Variants in CATSPERD observed in about 807,000 individuals in gnomAD.
The protein encoded by CATSPERD is catsper channel auxiliary subunit delta.
A neutral mutation model predicts 98.1 loss-of-function variants in CATSPERD; 86 were observed. That is an observed-to-expected ratio of 0.88 (90% CI 0.74 to 1.05). CATSPERD has a LOEUF of 1.05. Ranked by LOEUF, CATSPERD falls within the 50% of genes least tolerant of loss-of-function variation. The probability of loss-of-function intolerance (pLI) is 0.00; values close to 1 mark genes in which losing one functional copy is unlikely to be tolerated. For synonymous variants in CATSPERD, 394 were observed against 390.2 expected, an observed-to-expected ratio of 1.01 and a Z score of -0.12; for missense variants, 995 against 1,005.7, an observed-to-expected ratio of 0.99 and a Z score of 0.14.
At chr19:5,755,287 G>A (rs2145799172) in intron 13 of CATSPERD, among the ~76,000 whole-genome samples, 1 of 152,180 alleles carries the variant, frequency 6.6e-6, no homozygotes, top group African/African-American at 2.4e-5. Flanking sequence ...TTAGCTGCAA[G>A]TACAGATGGT....
At chr19:5,761,441 A>ATGGATGGATGGATGGC (rs551235772) in intron 15 of CATSPERD, among the ~76,000 whole-genome samples, 8 of 151,570 alleles carry the variant, frequency 5.3e-5, no homozygotes, top group African/African-American at 2.0e-4. Flanking sequence ...GGATGGATGG[A>ATGGATGGATGGATGGC]TGGCTGGCTG....
chr19:5,772,111 G>A (rs1451070680), intron 19 of CATSPERD: 1 of 346,198 alleles, frequency 2.9e-6, no homozygotes, highest in Non-Finnish European at 5.5e-6. Flanking sequence ...CCAGTGGCAT[G>A]AACACAGTTC....
Position 5,750,084 on chromosome 19 carries a change from G to A in CATSPERD, c.987+901G>A, listed in dbSNP as rs552406853. On this transcript the variant is annotated intron_variant, in intron 11 of 21. Coordinates refer to ENST00000381624, the MANE Select transcript of CATSPERD (RefSeq NM_152784.4). ...CTCCCAAAGTGCTGGGATTACAGTC[G>A]TGAGCCACCGCGCCCGGCCGAAACT... 9.3e-5 allele frequency among the ~76,000 whole-genome samples: 14 copies of A among 150,704 alleles called. No homozygotes were observed. In the South Asian group the frequency reaches 1.5e-3, roughly 16 times the overall value.
chr19:5,720,848 G>C (rs753207852), intron 1 of CATSPERD, 40 bp downstream of exon 1: 3 of 1,537,888 alleles, frequency 2.0e-6, no homozygotes, highest in Non-Finnish European at 2.6e-6. Flanking sequence ...GTGCTGCCGG[G>C]GGTCGGGAGG....
intron 12 of CATSPERD, among the ~76,000 whole-genome samples, chr19:5,753,122 C>T (rs1340747885): frequency 6.6e-6 from 1 of 151,900 alleles, no homozygotes; most frequent in African/African-American, 2.4e-5. Context: ...GATTCTCTAC[C>T]CCTCAGGATT....
intron 13 of CATSPERD, among the ~76,000 whole-genome samples, chr19:5,755,718 A>G (rs1285636114): frequency 6.6e-6 from 1 of 152,090 alleles, no homozygotes; most frequent in Admixed American, 6.6e-5. Context: ...GGTTGCGGTG[A>G]GCCAAGATCG....
intron 15 of CATSPERD, among the ~76,000 whole-genome samples, chr19:5,761,635 A>G (rs1250541606): frequency 1.3e-4 from 1 of 7,912 alleles, no homozygotes; most frequent in Non-Finnish European, 4.5e-4. Context: ...GAAACAAGGC[A>G]TGTCTTCTCA....
chr19:5,723,458 A>AT (rs773822808), intron 1 of CATSPERD, among the ~76,000 whole-genome samples: 8,910 of 90,888 alleles, frequency 0.098, 584 homozygotes, highest in South Asian at 0.16. Flanking sequence ...TGCCCAGCTA[A>AT]TTTTTTTTTT....
intron 18 of CATSPERD, among the ~76,000 whole-genome samples, chr19:5,768,615 C>G (rs2056588224): frequency 1.3e-5 from 2 of 151,710 alleles, no homozygotes. Context: ...GGATTACAGG[C>G]ATGAGCCACC....
intron 13 of CATSPERD, among the ~76,000 whole-genome samples, chr19:5,755,399 C>G (rs1029307159): frequency 6.6e-6 from 1 of 151,990 alleles, no homozygotes; most frequent in Admixed American, 6.6e-5. Flanking sequence ...TATACAAAAA[C>G]TATTATACTC....
chr19:5,726,252 G>A (rs1022662391), intron 2 of CATSPERD, among the ~76,000 whole-genome samples: 1 of 151,652 alleles, frequency 6.6e-6, no homozygotes, highest in African/African-American at 2.4e-5. Context: ...AGTAGAGACG[G>A]GGTTTCACCA....
At chr19:5,742,780 T>G (rs1298295199) in intron 7 of CATSPERD, among the ~76,000 whole-genome samples, 1 of 151,604 alleles carries the variant, frequency 6.6e-6, no homozygotes, top group Non-Finnish European at 1.5e-5. Context: ...CGGAGAGATA[T>G]CCTGTTGCAA....
At chr19:5,753,570 A>C (rs1214549079) in intron 12 of CATSPERD, 1 of 418,500 alleles carries the variant, frequency 2.4e-6, no homozygotes, top group Non-Finnish European at 4.7e-6. Context: ...TCAAAAAAAA[A>C]AAAAGAAACA....
chr19:5,771,440 G>A (rs117154414), intron 19 of CATSPERD, among the ~76,000 whole-genome samples: 7,723 of 152,244 alleles, frequency 0.051, 491 homozygotes, highest in East Asian at 0.36. Context: ...GTTTCACCAT[G>A]TTGGGCAGGC....
chr19:5,742,198 G>T (rs936646485), intron 7 of CATSPERD, among the ~76,000 whole-genome samples: 2 of 139,752 alleles, frequency 1.4e-5, no homozygotes, highest in African/African-American at 2.7e-5. Context: ...GTGTGTGCGT[G>T]TACATGTGTG....
At position 5,751,321 on chromosome 19, in the gene CATSPERD, G is replaced by C. The variant is rs191661802; in HGVS notation, c.988-326G>C. ...GGGCGGATCACGAGGTCAGGAGATC[G>C]ACACCATCCTGGCTAACACAGTGAA... On this transcript the variant is annotated intron_variant, in intron 11 of 21. Coordinates refer to ENST00000381624, the MANE Select transcript of CATSPERD (RefSeq NM_152784.4). Among the ~76,000 whole-genome samples, 156 of 145,946 alleles carry C rather than the reference G, an allele frequency of 1.1e-3. 3 individuals are homozygous for C. In the East Asian group the frequency reaches 0.027, roughly 26 times the overall value.
At chr19:5,768,336 A>ATTT (rs2056582147) in intron 18 of CATSPERD, 94 bp downstream of exon 18, 9 of 808,522 alleles carry the variant, frequency 1.1e-5, no homozygotes, top group Non-Finnish European at 1.6e-5. Flanking sequence ...TTATTTATTT[A>ATTT]TTTATTTATT....
At chr19:5,775,039 C>G (rs1033775474) in intron 20 of CATSPERD, among the ~76,000 whole-genome samples, 1 of 151,912 alleles carries the variant, frequency 6.6e-6, no homozygotes, top group Non-Finnish European at 1.5e-5. Context: ...TCATTGGAAG[C>G]GCCTGACTCT....
At chr19:5,725,563 A>G (rs2055588375) in intron 2 of CATSPERD, among the ~76,000 whole-genome samples, 1 of 152,172 alleles carries the variant, frequency 6.6e-6, no homozygotes, top group Non-Finnish European at 1.5e-5. Context: ...AAATGCATGA[A>G]GAAAAAATAT....
Sources: gnomAD v4.1 joint callset for allele counts (sites outside exome capture counted in the v4.1 genomes callset) on GRCh38, gnomAD v4.1.1 for gene constraint, MANE v1.5 for transcripts, NCBI Gene and HGNC (gene_info 2026-07-23, HGNC 2026-07-21) for gene names.